RTL8B: variants seen among roughly 807,000 people sequenced by gnomAD.
RTL8B encodes the protein retrotransposon Gag like 8B, also known as retrotransposon Gag-like protein 8B.
RTL8B carries 5 observed loss-of-function variants against 4.4 expected under a neutral mutation model. The observed-to-expected ratio is 1.13, with a 90% CI of 0.59 to 2.37. The LOEUF is 2.37. Ranked by LOEUF, RTL8B falls within the 30% of genes most tolerant of loss-of-function variation. The pLI is 0.01. For missense variants in RTL8B, 82 were observed against 99.2 expected, an observed-to-expected ratio of 0.83 and a Z score of 0.74; for synonymous variants, 31 against 44.2, an observed-to-expected ratio of 0.70 and a Z score of 1.19.
At position 135,022,425 on chromosome X, in the gene RTL8B, A is replaced by G. The variant is rs1213737959; in HGVS notation, c.35T>C (p.Leu12Pro). ...EGRVQLMKAL[L>P]ARPLRPAARR... ...CGCCGCGGGCCGGAGGGGCCGAGCC[A>G]GGAGGGCCTTCATCAGCTGCACTCG... The change falls in exon 1 of 1, where the codon CTG (leucine) becomes CCG (proline). Residue 12 changes from leucine (L) to proline (P), a missense_variant. By Grantham distance (98) the Leu-to-Pro change is moderately conservative (BLOSUM62 -3). Coordinates refer to ENST00000391440, the MANE Select transcript of RTL8B (RefSeq NM_001078173.2). The G allele has an allele frequency of 2.5e-6, 3 of 1,210,876 alleles. No individual in the cohort carries two copies. The highest frequency in any genetic ancestry group is 1.7e-5 in the African/African-American group (1 of 57,586).
At position 135,021,228 on chromosome X, in the gene RTL8B, T is replaced by C. The variant is rs1355944773; in HGVS notation, c.*890A>G. 4.4e-6 allele frequency: 1 copy of C among 229,582 alleles called. No individual in the cohort carries two copies. The highest frequency in any genetic ancestry group is 1.1e-4 in the East Asian group (1 of 8,758). The allele number at this position is 229,582 out of a possible 1,213,427, so 18.9% of individuals were successfully genotyped here. On this transcript the variant is annotated 3_prime_UTR_variant, in exon 1 of 1. Transcript: ENST00000391440. ...GGGGATATCGCTTCTGAACAAGATA[T>C]GGACCACATTTACAGGACCAGGGAG...
In RTL8B at chrX:135,021,860, G is replaced by A; in HGVS notation, c.*258C>T. 8.7e-7 allele frequency: 1 copy of A among 1,149,957 alleles called. No individual in the cohort carries two copies. Among genetic ancestry groups the A allele is most frequent in the Non-Finnish European group, 1.2e-6 (1 of 863,542 alleles). The allele number at this position is 1,149,957 out of a possible 1,213,427, so 94.8% of individuals were successfully genotyped here. ...CAGGACAGCGTCCAAATGTGCATGG[G>A]AGGGGCTGAGCTGGCACGAGAGGGC... On this transcript the variant is annotated 3_prime_UTR_variant, in exon 1 of 1. Transcript: ENST00000391440.
In RTL8B at chrX:135,022,002, C is replaced by G; in HGVS notation, c.*116G>C. On this transcript the variant is annotated 3_prime_UTR_variant, in exon 1 of 1. Coordinates refer to ENST00000391440, the MANE Select transcript of RTL8B (RefSeq NM_001078173.2). ...GACAGGAGCGCAGGGGACATCGTGG[C>G]GGCTCGAGGGGGAGGGAGGCGCGGA... The G allele has an allele frequency of 1.7e-6, 2 of 1,165,250 alleles. No homozygotes were observed. The highest frequency in any genetic ancestry group is 2.3e-6 in the Non-Finnish European group (2 of 872,940).
rs916666627 is a variant in RTL8B, at chrX:135,021,200, G to A, written c.*918C>T. The A allele has an allele frequency of 9.8e-6, 2 of 204,227 alleles. No individual in the cohort carries two copies. Among genetic ancestry groups the A allele is most frequent in the Admixed American group, 6.9e-5 (1 of 14,514 alleles). The allele number at this position is 204,227 out of a possible 1,213,427, so 16.8% of individuals were successfully genotyped here. On this transcript the variant is annotated 3_prime_UTR_variant, in exon 1 of 1. Coordinates refer to ENST00000391440, the MANE Select transcript of RTL8B (RefSeq NM_001078173.2). Reference sequence around the variant, plus strand: ...AGGAGTCAACATCAGTCACTGAATGGCAGGGGATATCGCTTCTGAACAAGA... The same window carrying A: ...AGGAGTCAACATCAGTCACTGAATGACAGGGGATATCGCTTCTGAACAAGA...
Position 135,022,506 on chromosome X carries a change from C to A in RTL8B, c.-47G>T. 8.4e-7 allele frequency: 1 copy of A among 1,187,462 alleles called. No individual in the cohort carries two copies. Among genetic ancestry groups the A allele is most frequent in the South Asian group, 1.9e-5 (1 of 52,401 alleles). On this transcript the variant is annotated 5_prime_UTR_variant, in exon 1 of 1. An upstream open reading frame in the 5' UTR gains an earlier in-frame stop. Transcript: ENST00000391440. ...AGTTTAGCTGAGCTGCGCTGGGCTT[C>A]GCCGGGGGCTGCACCGAGGCGTAGC...
In RTL8B at chrX:135,021,854, G is replaced by A. The variant is rs2083267779; in HGVS notation, c.*264C>T. The A allele has an allele frequency of 3.5e-6, 4 of 1,145,345 alleles. No individual in the cohort carries two copies. The highest frequency in any genetic ancestry group is 2.5e-4 in the Middle Eastern group (1 of 4,022). 94.4% of individuals were successfully genotyped at this position (1,145,345 alleles called of 1,213,427 possible). A position where few individuals can be genotyped will look rare whatever the true frequency, so the allele number is the denominator to read the frequency against. On this transcript the variant is annotated 3_prime_UTR_variant, in exon 1 of 1. Transcript: ENST00000391440. ...GGAGCGCAGGACAGCGTCCAAATGT[G>A]CATGGGAGGGGCTGAGCTGGCACGA...
chrX:135,021,636 C>T lies in RTL8B; in HGVS notation c.*482G>A. ...CAGGGGCTGTGTCCAGCCCAGATAC[C>T]TCCGAGGTGAGTACAGATCACTAGA... On this transcript the variant is annotated 3_prime_UTR_variant, in exon 1 of 1. Coordinates refer to ENST00000391440, the MANE Select transcript of RTL8B (RefSeq NM_001078173.2). The T allele has an allele frequency of 1.0e-6, 1 of 982,177 alleles. No individual in the cohort carries two copies. The highest frequency in any genetic ancestry group is 1.3e-6 in the Non-Finnish European group (1 of 754,090). 80.9% of individuals were successfully genotyped at this position (982,177 alleles called of 1,213,427 possible). A position where few individuals can be genotyped will look rare whatever the true frequency, so the allele number is the denominator to read the frequency against.
chrX:135,021,568 T>G lies in RTL8B; in HGVS notation c.*550A>C, dbSNP rs1157130814. 9.1e-6 allele frequency: 7 copies of G among 767,233 alleles called. No individual in the cohort carries two copies. The highest frequency in any genetic ancestry group is 1.2e-5 in the Non-Finnish European group (7 of 560,588). The allele number at this position is 767,233 out of a possible 1,213,427, so 63.2% of individuals were successfully genotyped here. ...GGGAGGAAATGGGTCTCGCTGAAGG[T>G]AACAGGTCCCTTGAGGGGCAGCCAG... On this transcript the variant is annotated 3_prime_UTR_variant, in exon 1 of 1. Transcript: ENST00000391440.
chrX:135,020,639 T>C lies in RTL8B; in HGVS notation c.*1479A>G, dbSNP rs931484592. 2.7e-5 allele frequency: 3 copies of C among 111,869 alleles called. No homozygotes were observed. The highest frequency in any genetic ancestry group is 9.8e-5 in the African/African-American group (3 of 30,715). 9.2% of individuals were successfully genotyped at this position (111,869 alleles called of 1,213,427 possible). A position where few individuals can be genotyped will look rare whatever the true frequency, so the allele number is the denominator to read the frequency against. On this transcript the variant is annotated 3_prime_UTR_variant, in exon 1 of 1. Coordinates refer to ENST00000391440, the MANE Select transcript of RTL8B (RefSeq NM_001078173.2). The stretch of plus-strand genomic sequence containing the variant: ...ATTAAAACATTTCCCTTATTGTGCA[T>C]GGAAAATAACAAAAAATTTTTTTAC...
At position 135,021,681 on chromosome X, in the gene RTL8B, A is replaced by G; in HGVS notation, c.*437T>C. The G allele has an allele frequency of 7.0e-6, 7 of 996,844 alleles. No individual in the cohort carries two copies. Among genetic ancestry groups the G allele is most frequent in the Non-Finnish European group, 7.8e-6 (6 of 765,093 alleles). The allele number at this position is 996,844 out of a possible 1,213,427, so 82.2% of individuals were successfully genotyped here. On this transcript the variant is annotated 3_prime_UTR_variant, in exon 1 of 1. Transcript: ENST00000391440. ...ACTAGAAGCAGCAGTCTGTCGGTGG[A>G]ATGCGATGGATGGCGATGGCAGTGG...
Position 135,021,145 on chromosome X carries a change from C to A in RTL8B, c.*973G>T, listed in dbSNP as rs138907511. Reference sequence around the variant, plus strand: ...GGGGACACTATCCCCCAGGTTACCACAGGACTCTATCTTAGATGTTTTATA... The same window carrying A: ...GGGGACACTATCCCCCAGGTTACCAAAGGACTCTATCTTAGATGTTTTATA... On this transcript the variant is annotated 3_prime_UTR_variant, in exon 1 of 1. Transcript: ENST00000391440. 2.1e-4 allele frequency: 34 copies of A among 161,995 alleles called. No individual in the cohort carries two copies. The Admixed American group carries it at 2.5e-3, about 12-fold the overall frequency. 13.4% of individuals were successfully genotyped at this position (161,995 alleles called of 1,213,427 possible). A position where few individuals can be genotyped will look rare whatever the true frequency, so the allele number is the denominator to read the frequency against.
chrX:135,020,987 T>C lies in RTL8B; in HGVS notation c.*1131A>G, dbSNP rs886376994. 27 of 112,618 alleles carry C rather than the reference T, an allele frequency of 2.4e-4. No individual in the cohort carries two copies. Among genetic ancestry groups the C allele is most frequent in the African/African-American group, 8.8e-4 (27 of 30,857 alleles). 9.3% of individuals were successfully genotyped at this position (112,618 alleles called of 1,213,427 possible). A position where few individuals can be genotyped will look rare whatever the true frequency, so the allele number is the denominator to read the frequency against. ...ACCACTTTCTGGAAATGAGGATACATTTTCCAAGAGCCTGCTGGCTGACTT... is the reference window on the plus strand; with the variant it reads ...ACCACTTTCTGGAAATGAGGATACACTTTCCAAGAGCCTGCTGGCTGACTT... On this transcript the variant is annotated 3_prime_UTR_variant, in exon 1 of 1. Coordinates refer to ENST00000391440, the MANE Select transcript of RTL8B (RefSeq NM_001078173.2).
rs751817155 is a variant in RTL8B at position 135,021,879 on chromosome X, AGAGG to A, written c.*235_*238del. 6.8e-4 allele frequency: 783 copies of A among 1,151,704 alleles called. No homozygotes were observed. Among genetic ancestry groups the A allele is most frequent in the Non-Finnish European group, 8.4e-4 (726 of 866,014 alleles). 94.9% of individuals were successfully genotyped at this position (1,151,704 alleles called of 1,213,427 possible). On this transcript the variant is annotated 3_prime_UTR_variant, in exon 1 of 1. Transcript: ENST00000391440. ...GCATGGGAGGGGCTGAGCTGGCACGAGAGGGCGGAGGCAGCCCGCTCCAGAGTGA... is the reference window on the plus strand; with the variant it reads ...GCATGGGAGGGGCTGAGCTGGCACGAGCGGAGGCAGCCCGCTCCAGAGTGA...
At position 135,021,519 on chromosome X, in the gene RTL8B, G is replaced by A; in HGVS notation, c.*599C>T. ...CTGAGCCCTGGCAGCCATGTGGCAG[G>A]AGCACAAAAAGTCTCTGGGATTGGG... On this transcript the variant is annotated 3_prime_UTR_variant, in exon 1 of 1. Transcript: ENST00000391440. The A allele has an allele frequency of 4.2e-6, 2 of 473,517 alleles. No individual in the cohort carries two copies. The highest frequency in any genetic ancestry group is 6.9e-6 in the Non-Finnish European group (2 of 291,330). 39.0% of individuals were successfully genotyped at this position (473,517 alleles called of 1,213,427 possible). A position where few individuals can be genotyped will look rare whatever the true frequency, so the allele number is the denominator to read the frequency against.
In RTL8B at chrX:135,020,632, T is replaced by C. The variant is rs2083264019; in HGVS notation, c.*1486A>G. On this transcript the variant is annotated 3_prime_UTR_variant, in exon 1 of 1. Transcript: ENST00000391440. Reference sequence around the variant, plus strand: ...AAAGCCAATTAAAACATTTCCCTTATTGTGCATGGAAAATAACAAAAAATT... The same window carrying C: ...AAAGCCAATTAAAACATTTCCCTTACTGTGCATGGAAAATAACAAAAAATT... The C allele has an allele frequency of 8.9e-6, 1 of 111,882 alleles. No individual in the cohort carries two copies. Among genetic ancestry groups the C allele is most frequent in the South Asian group, 3.7e-4 (1 of 2,693 alleles). 9.2% of individuals were successfully genotyped at this position (111,882 alleles called of 1,213,427 possible).
chrX:135,022,115 G>C lies in RTL8B; in HGVS notation c.*3C>G, dbSNP rs2083269106. The C allele has an allele frequency of 8.3e-7, 1 of 1,211,715 alleles. No individual in the cohort carries two copies. On this transcript the variant is annotated 3_prime_UTR_variant, in exon 1 of 1. Coordinates refer to ENST00000391440, the MANE Select transcript of RTL8B (RefSeq NM_001078173.2). ...CGGTCCCCAGGCCCGAGGGTCTCCC[G>C]GCCTAGAAGTCCTCGTCCTCCTCCC... is the stretch of plus-strand genomic sequence containing the variant.
In RTL8B at chrX:135,022,175, C is replaced by G; in HGVS notation, c.285G>C (p.Arg95=). Residue 95 remains arginine, a synonymous_variant, in exon 1 of 1, where the codon CGG becomes CGC. Coordinates refer to ENST00000391440, the MANE Select transcript of RTL8B (RefSeq NM_001078173.2). ...CCCGCTTCATCTCAGCCAGGAAGCC[C>G]CGGTAATCACTGAGGAGGGGGCTCT... ...KKESPLLSDY[R]GFLAEMKRVF... The G allele has an allele frequency of 8.3e-7, 1 of 1,211,863 alleles. No homozygotes were observed. Among genetic ancestry groups the G allele is most frequent in the African/African-American group, 1.7e-5 (1 of 57,878 alleles).
chrX:135,021,621 G>T lies in RTL8B; in HGVS notation c.*497C>A. 1.1e-6 allele frequency: 1 copy of T among 948,089 alleles called. No individual in the cohort carries two copies. The highest frequency in any genetic ancestry group is 1.4e-6 in the Non-Finnish European group (1 of 723,067). 78.1% of individuals were successfully genotyped at this position (948,089 alleles called of 1,213,427 possible). ...GTCTGGATCATTGTCCAGGGGCTGT[G>T]TCCAGCCCAGATACCTCCGAGGTGA... On this transcript the variant is annotated 3_prime_UTR_variant, in exon 1 of 1. Transcript: ENST00000391440.
At position 135,022,214 on chromosome X, in the gene RTL8B, G is replaced by C. The variant is rs757688861; in HGVS notation, c.246C>G (p.Pro82=). The stretch of plus-strand genomic sequence containing the variant: ...GGAGGGGGCTCTCCTTCTTGATGTA[G>C]GGGATCACCCACTGCAGGGCGGGCC... ...LTGPALQWVI[P]YIKKESPLLS... Residue 82 remains proline (P), a synonymous_variant, in exon 1 of 1, where the codon CCC becomes CCG. Coordinates refer to ENST00000391440, the MANE Select transcript of RTL8B (RefSeq NM_001078173.2). 21 of 1,210,675 alleles carry C rather than the reference G, an allele frequency of 1.7e-5. No homozygotes were observed. The highest frequency in any genetic ancestry group is 1.2e-5 in the Non-Finnish European group (11 of 895,187).
Sources: allele counts gnomAD v4.1 joint callset, GRCh38; gene constraint gnomAD v4.1.1; transcripts MANE v1.5; gene names NCBI Gene and HGNC (gene_info 2026-07-23, HGNC 2026-07-21).